The following PAM variants were observed in gnomAD, a reference collection of about 807,000 sequenced individuals.
The protein encoded by PAM is peptidylglycine alpha-amidating monooxygenase, also known as peptidyl-glycine alpha-amidating monooxygenase.
Under a neutral mutation model 122.1 loss-of-function variants are expected in PAM, and 72 were observed. That is an observed-to-expected ratio of 0.59 (90% CI 0.49 to 0.72). The LOEUF (loss-of-function observed/expected upper bound fraction) is 0.72. PAM is among the 30% of genes least tolerant of loss of function. PAM has a pLI of 0.00. For synonymous variants in PAM, 389 were observed against 404.4 expected (o/e 0.96, Z 0.46); for missense variants, 1,106 against 1,183.7 (o/e 0.93, Z 0.96).
intron 1 of PAM, among the ~76,000 whole-genome samples, chr5:102,804,266 G>T (rs1018213051): frequency 1.3e-5 from 2 of 152,140 alleles, no homozygotes; most frequent in Non-Finnish European, 2.9e-5. Flanking sequence ...GAGTTTGGTG[G>T]TAACCTGGTC....
intron 1 of PAM, among the ~76,000 whole-genome samples, chr5:102,776,878 G>A (rs535451143): frequency 6.6e-6 from 1 of 152,018 alleles, no homozygotes; most frequent in Admixed American, 6.5e-5. Flanking sequence ...TCTTATCAGG[G>A]TTACTTTTTC....
At chr5:102,892,660 G>A (rs1019650450) in intron 3 of PAM, among the ~76,000 whole-genome samples, 2 of 151,818 alleles carry the variant, frequency 1.3e-5, no homozygotes, top group Admixed American at 6.6e-5. Flanking sequence ...CCAATTTTAA[G>A]TGTCACCAGC....
chr5:102,918,106 A>G lies in PAM; in HGVS notation c.356+4085A>G, dbSNP rs548875888. 9.4e-4 allele frequency among the ~76,000 whole-genome samples: 143 copies of G among 152,188 alleles called. 1 individual carries two copies. The highest frequency in any genetic ancestry group is 3.4e-3 in the African/African-American group (141 of 41,532). ...CTAGTGCTCAATTCCAAATTAACAT[A>G]CCTCTAGAGGTTGCAAATAAGGACC... On this transcript the variant is annotated intron_variant, in intron 5 of 25. Transcript: ENST00000438793.
At chr5:102,938,053 T>C (rs1307297676) in intron 7 of PAM, among the ~76,000 whole-genome samples, 1 of 152,192 alleles carries the variant, frequency 6.6e-6, no homozygotes, top group African/African-American at 2.4e-5. Context: ...ATATTCTTCA[T>C]GTTCTTCTCT....
intron 14 of PAM, among the ~76,000 whole-genome samples, chr5:102,964,449 A>G (rs1763425232): frequency 6.6e-6 from 1 of 151,930 alleles, no homozygotes; most frequent in Admixed American, 6.6e-5. Context: ...AGATGTAATT[A>G]CAGAGACACC....
intron 5 of PAM, among the ~76,000 whole-genome samples, chr5:102,914,974 GA>G (rs1802657517): frequency 6.6e-6 from 1 of 152,118 alleles, no homozygotes; most frequent in Admixed American, 6.6e-5. Flanking sequence ...GAGGTTCTAG[GA>G]AAAATAAGAT....
At chr5:102,853,347 TAGGA>T (rs1027179038) in intron 1 of PAM, among the ~76,000 whole-genome samples, 3 of 152,136 alleles carry the variant, frequency 2.0e-5, no homozygotes, top group African/African-American at 7.2e-5. Flanking sequence ...TTTTTAGTGT[TAGGA>T]AGAGTATTTT....
At chr5:102,881,129 T>TATACACACACACACAC (rs145380302) in intron 3 of PAM, among the ~76,000 whole-genome samples, 11 of 145,800 alleles carry the variant, frequency 7.5e-5, no homozygotes, top group African/African-American at 2.6e-4. Flanking sequence ...TTTTTATACA[T>TATACACACACACACAC]ACACACACAC....
chr5:102,882,108 T>TACACAC (rs1205724444), intron 3 of PAM, among the ~76,000 whole-genome samples: 1 of 102,080 alleles, frequency 9.8e-6, no homozygotes, highest in African/African-American at 4.2e-5. Flanking sequence ...TATATATATA[T>TACACAC]ATACACCACA....
intron 15 of PAM, among the ~76,000 whole-genome samples, chr5:102,976,617 A>G (rs764429681): frequency 6.6e-6 from 1 of 152,184 alleles, no homozygotes; most frequent in African/African-American, 2.4e-5. Flanking sequence ...TGCCTAATTT[A>G]CTATAAGGAA....
rs375131293 is a variant in PAM, at chr5:102,866,162, G to A, written c.-34G>A. ...GCCCCAGCCCCGCGCTGCGCTGCCC[G>A]GTCCTCTCCCGGCGGGGTCGTATCG... On this transcript the variant is annotated 5_prime_UTR_variant, in exon 2 of 26. Transcript: ENST00000438793. 6.7e-7 allele frequency: 1 copy of A among 1,487,552 alleles called. No individual in the cohort carries two copies. Among genetic ancestry groups the A allele is most frequent in the Admixed American group, 1.7e-5 (1 of 59,832 alleles). 92.1% of individuals were successfully genotyped at this position (1,487,552 alleles called of 1,614,324 possible). A position where few individuals can be genotyped will look rare whatever the true frequency, so the allele number is the denominator to read the frequency against.
chr5:102,926,402 T>C (rs1749548917), intron 6 of PAM, among the ~76,000 whole-genome samples, 183 bp from the exon 7 acceptor site: 1 of 152,258 alleles, frequency 6.6e-6, no homozygotes. Context: ...ATCATAGTTT[T>C]GAGGAGATTA....
At chr5:102,938,057 C>T (rs1370553809) in intron 7 of PAM, among the ~76,000 whole-genome samples, 1 of 152,038 alleles carries the variant, frequency 6.6e-6, no homozygotes, top group Non-Finnish European at 1.5e-5. Context: ...TCTTCATGTT[C>T]TTCTCTAACC....
chr5:103,001,612 T>C (rs569168816), intron 16 of PAM, among the ~76,000 whole-genome samples: 7 of 152,308 alleles, frequency 4.6e-5, no homozygotes, highest in Admixed American at 2.0e-4. Context: ...CAGGGACTTA[T>C]TGTTGTCTTT....
intron 6 of PAM, among the ~76,000 whole-genome samples, chr5:102,926,142 C>T (rs899509738): frequency 2.0e-5 from 3 of 151,738 alleles, no homozygotes; most frequent in Non-Finnish European, 4.4e-5. Context: ...GGCCGGACTG[C>T]GGACTGCAGT....
intron 15 of PAM, among the ~76,000 whole-genome samples, chr5:102,985,947 TGTG>T (rs1398026823): frequency 6.6e-6 from 1 of 152,160 alleles, no homozygotes; most frequent in African/African-American, 2.4e-5. Flanking sequence ...CATCAAAAAA[TGTG>T]GTACAGCACA....
chr5:102,758,575 T>G (rs1226235589), intron 1 of PAM, among the ~76,000 whole-genome samples: 1 of 152,226 alleles, frequency 6.6e-6, no homozygotes, highest in African/African-American at 2.4e-5. Flanking sequence ...CTGCTGTTGG[T>G]GTCATGTGCT....
At chr5:102,766,777 C>T (rs1441765017) in intron 1 of PAM, among the ~76,000 whole-genome samples, 1 of 151,958 alleles carries the variant, frequency 6.6e-6, no homozygotes, top group Non-Finnish European at 1.5e-5. Context: ...AGAGAAGGAG[C>T]AAAAGTACTC....
chr5:102,983,095 A>G (rs1484753218), intron 15 of PAM, among the ~76,000 whole-genome samples: 2 of 152,058 alleles, frequency 1.3e-5, no homozygotes, highest in African/African-American at 2.4e-5. Context: ...GAGAGCTTCA[A>G]CAATAGACTA....
Sources: gnomAD v4.1 joint callset for allele counts (sites outside exome capture counted in the v4.1 genomes callset) on GRCh38, gnomAD v4.1.1 for gene constraint, MANE v1.5 for transcripts, NCBI Gene and HGNC (gene_info 2026-07-23, HGNC 2026-07-21) for gene names.